The following FRMD4B variants were observed in gnomAD, a reference collection of about 807,000 sequenced individuals.
FRMD4B encodes FERM domain-containing protein 4B.
FRMD4B carries 74 observed loss-of-function variants against 141.5 expected under a neutral mutation model. The observed-to-expected ratio is 0.52, with a 90% CI of 0.43 to 0.63. FRMD4B has a LOEUF of 0.63. FRMD4B is among the 30% of genes least tolerant of loss of function. The pLI, the probability that FRMD4B is intolerant of heterozygous loss-of-function variation, is 0.00. For synonymous variants in FRMD4B, 506 were observed against 467.9 expected, an observed-to-expected ratio of 1.08 and a Z score of -1.05; for missense variants, 1,366 against 1,253.4, an observed-to-expected ratio of 1.09 and a Z score of -1.36.
chr3:69,540,644 T>A (rs1206229956), intron 1 of FRMD4B, among the ~76,000 whole-genome samples: 4,226 of 66,118 alleles, frequency 0.064, 159 homozygotes, highest in Non-Finnish European at 0.077. Flanking sequence ...AAAATATATA[T>A]ATATATATAT....
In FRMD4B at chr3:69,218,338, T is replaced by C; in HGVS notation, c.773A>G (p.His258Arg). 10 of 1,507,848 alleles carry C rather than the reference T, an allele frequency of 6.6e-6. No homozygotes were observed. The highest frequency in any genetic ancestry group is 8.3e-6 in the Non-Finnish European group (9 of 1,087,988). 93.4% of individuals were successfully genotyped at this position (1,507,848 alleles called of 1,614,324 possible). ...ATTACTTACCTTTACTGCATAATAATGGACACCGTAAGTCGGTAGAGCTTC... is the reference window on the plus strand; with the variant it reads ...ATTACTTACCTTTACTGCATAATAACGGACACCGTAAGTCGGTAGAGCTTC... ...IVEALPTYGV[H>R]YYAVKDKQGL... The change falls in exon 10 of 23, where the codon CAT becomes CGT. Residue 258 changes from histidine to arginine, a missense_variant. Physicochemically the swap from His to Arg is conservative, Grantham distance 29 (BLOSUM62 0). Coordinates refer to ENST00000398540, the MANE Select transcript of FRMD4B (RefSeq NM_015123.3).
intron 2 of FRMD4B, among the ~76,000 whole-genome samples, chr3:69,312,232 G>C (rs903206692): frequency 1.2e-4 from 19 of 152,168 alleles, no homozygotes; most frequent in African/African-American, 3.9e-4. Context: ...GAAGAAAAGG[G>C]GAATCCTTGC....
chr3:69,314,853 G>C (rs569816058), intron 1 of FRMD4B, among the ~76,000 whole-genome samples: 2 of 151,950 alleles, frequency 1.3e-5, no homozygotes, highest in African/African-American at 4.8e-5. Context: ...GAAAAAAAAA[G>C]TATTTATTCA....
At chr3:69,479,089 C>A in intron 1 of FRMD4B, among the ~76,000 whole-genome samples, 1 of 140,156 alleles carries the variant, frequency 7.1e-6, no homozygotes, top group Non-Finnish European at 1.5e-5. Flanking sequence ...TTATTTTGAG[C>A]CTATGTGTGT....
At chr3:69,452,845 C>A (rs1338853498) in intron 1 of FRMD4B, among the ~76,000 whole-genome samples, 3 of 152,156 alleles carry the variant, frequency 2.0e-5, no homozygotes, top group Admixed American at 1.3e-4. Flanking sequence ...TCTGCAGCCA[C>A]ATTAATAAAA....
chr3:69,478,445 C>A (rs1336003518), intron 1 of FRMD4B, among the ~76,000 whole-genome samples: 1 of 152,164 alleles, frequency 6.6e-6, no homozygotes, highest in Non-Finnish European at 1.5e-5. Context: ...TTTATTTCTG[C>A]CTTCATTTCG....
chr3:69,411,387 C>T (rs1435396501), intron 2 of FRMD4B, among the ~76,000 whole-genome samples: 1 of 152,166 alleles, frequency 6.6e-6, no homozygotes, highest in Non-Finnish European at 1.5e-5. Flanking sequence ...ACACTTCAGT[C>T]TGAAGCAAGG....
At chr3:69,363,536 C>T (rs530717247) in intron 1 of FRMD4B, among the ~76,000 whole-genome samples, 17 of 152,128 alleles carry the variant, frequency 1.1e-4, no homozygotes, top group Non-Finnish European at 2.2e-4. Context: ...ACTACAGGCG[C>T]CTGCCACCAC....
intron 1 of FRMD4B, chr3:69,536,373 G>A: frequency 1.4e-6 from 1 of 700,168 alleles, no homozygotes; most frequent in South Asian, 1.6e-5. Flanking sequence ...GCCTGGCGAG[G>A]AGGCTGCGGC....
chr3:69,270,024 T>C (rs1411875437), intron 5 of FRMD4B, among the ~76,000 whole-genome samples: 2 of 148,184 alleles, frequency 1.3e-5, no homozygotes, highest in Non-Finnish European at 3.0e-5. Flanking sequence ...TCTTTCTTTC[T>C]TTTTTTTTTA....
intron 1 of FRMD4B, among the ~76,000 whole-genome samples, chr3:69,354,341 CT>C (rs1236116742): frequency 6.6e-6 from 1 of 151,992 alleles, no homozygotes; most frequent in African/African-American, 2.4e-5. Flanking sequence ...AATAAATTTA[CT>C]TTTTTTAAAA....
intron 4 of FRMD4B, among the ~76,000 whole-genome samples, chr3:69,293,753 T>G (rs868608107): frequency 2.6e-5 from 4 of 151,780 alleles, no homozygotes; most frequent in Non-Finnish European, 4.4e-5. Flanking sequence ...TGGTGGCACA[T>G]GCCTTTAGTC....
intron 1 of FRMD4B, among the ~76,000 whole-genome samples, chr3:69,487,314 CT>C (rs1353093768): frequency 6.6e-6 from 1 of 152,160 alleles, no homozygotes; most frequent in African/African-American, 2.4e-5. Context: ...TTAGATGACA[CT>C]GAGAAAGTTA....
chr3:69,290,179 C>T (rs532011840), intron 4 of FRMD4B, among the ~76,000 whole-genome samples: 8 of 152,148 alleles, frequency 5.3e-5, no homozygotes, highest in African/African-American at 1.4e-4. Flanking sequence ...AGATGTCAGG[C>T]GGTGAGGTGG....
intron 5 of FRMD4B, among the ~76,000 whole-genome samples, chr3:69,276,649 A>T (rs1406758119): frequency 6.6e-6 from 1 of 152,192 alleles, no homozygotes; most frequent in African/African-American, 2.4e-5. Flanking sequence ...GTTCACGCTC[A>T]GAAATGTAAA....
intron 2 of FRMD4B, among the ~76,000 whole-genome samples, chr3:69,406,761 C>A (rs975377565): frequency 6.6e-6 from 1 of 151,778 alleles, no homozygotes; most frequent in African/African-American, 2.4e-5. Flanking sequence ...GAGACAATGT[C>A]TCTCTCTGTG....
At chr3:69,433,545 CT>C (rs1247665499) in intron 1 of FRMD4B, among the ~76,000 whole-genome samples, 2 of 152,218 alleles carry the variant, frequency 1.3e-5, no homozygotes, top group Non-Finnish European at 2.9e-5. Context: ...TCCACTCCCC[CT>C]GGATGTGCAA....
chr3:69,181,804 C>T lies in FRMD4B; in HGVS notation c.2040-94G>A, dbSNP rs150833703. ...TAGCATGCTGAATGACTGAATAGCT[C>T]GTGAATTACAATAGGACTTTGAGTT... On this transcript the variant is annotated intron_variant, in intron 20 of 22. Coordinates refer to ENST00000398540, the MANE Select transcript of FRMD4B (RefSeq NM_015123.3). The T allele has an allele frequency of 8.6e-4, 618 of 719,282 alleles. 4 individuals carry two copies. The African/African-American group carries it at 9.6e-3, about 11-fold the overall frequency. The allele number at this position is 719,282 out of a possible 1,614,324, so 44.6% of individuals were successfully genotyped here. A position where few individuals can be genotyped will look rare whatever the true frequency, so the allele number is the denominator to read the frequency against.
At chr3:69,414,771 G>A (rs1271195277) in intron 2 of FRMD4B, among the ~76,000 whole-genome samples, 1 of 152,058 alleles carries the variant, frequency 6.6e-6, no homozygotes, top group African/African-American at 2.4e-5. Flanking sequence ...AGAAGTGCAG[G>A]TAGCTGTGTT....
Sources: allele counts gnomAD v4.1 joint callset (sites outside exome capture counted in the v4.1 genomes callset), GRCh38; gene constraint gnomAD v4.1.1; transcripts MANE v1.5; gene names NCBI Gene and HGNC (gene_info 2026-07-23, HGNC 2026-07-21).